Variants in PCDHGB6 observed in about 807,000 individuals in gnomAD.
The protein encoded by PCDHGB6 is protocadherin gamma subfamily B, 6.
In PCDHGB6, 51 loss-of-function variants were observed where a neutral mutation model predicts 59.1. That is an observed-to-expected ratio of 0.86 (90% CI 0.69 to 1.09). PCDHGB6 has a LOEUF of 1.09. PCDHGB6 is among the 50% of genes least tolerant of loss of function. The probability of loss-of-function intolerance (pLI) is 0.00; values close to 1 mark genes in which losing one functional copy is unlikely to be tolerated. For missense variants in PCDHGB6, 1,148 were observed against 1,205.1 expected (o/e 0.95, Z 0.70); for synonymous variants, 466 against 495.1 (o/e 0.94, Z 0.78).
chr5:141,454,657 CG>C (rs1313292109), intron 1 of PCDHGB6, among the ~76,000 whole-genome samples: 1 of 152,074 alleles, frequency 6.6e-6, no homozygotes, highest in Admixed American at 6.6e-5. Flanking sequence ...CTGCCCACCT[CG>C]GCCTCCCAAA....
At chr5:141,445,938 G>A (rs2098482293) in intron 1 of PCDHGB6, among the ~76,000 whole-genome samples, 1 of 152,196 alleles carries the variant, frequency 6.6e-6, no homozygotes, top group Non-Finnish European at 1.5e-5. Flanking sequence ...GAATTATTAA[G>A]CTTACTCTGG....
intron 1 of PCDHGB6, among the ~76,000 whole-genome samples, chr5:141,463,117 A>G (rs2099053039): frequency 6.6e-6 from 1 of 152,196 alleles, no homozygotes; most frequent in African/African-American, 2.4e-5. Context: ...TTCAGCTAAT[A>G]GCTCCCTGGC....
In PCDHGB6 at chr5:141,431,777, G is replaced by C. The variant is rs151011884; in HGVS notation, c.2418+21157G>C. 1.2e-6 allele frequency: 2 copies of C among 1,614,188 alleles called. No individual in the cohort carries two copies. The highest frequency in any genetic ancestry group is 4.5e-5 in the East Asian group (2 of 44,870). ...CAAAGTCCTGATCACTGTTCTGGAC[G>C]TGAACGACAATGCCCCAGAAGTGGT... On this transcript the variant is annotated intron_variant, in intron 1 of 3. Coordinates refer to ENST00000520790, the MANE Select transcript of PCDHGB6 (RefSeq NM_018926.3). The surrounding 1 kb of genome is among the most constrained non-coding windows in gnomAD (Gnocchi z 4.8).
rs2099413641 is a variant in PCDHGB6, at chr5:141,477,586, T to C, written c.2419-17221T>C. The C allele has an allele frequency of 1.9e-6, 3 of 1,614,022 alleles. No individual in the cohort carries two copies. The highest frequency in any genetic ancestry group is 2.5e-6 in the Non-Finnish European group (3 of 1,180,036). On this transcript the variant is annotated intron_variant, in intron 1 of 3. Transcript: ENST00000520790. This position sits in a 1 kb window ranked among gnomAD's most constrained non-coding sequence, Gnocchi z 4.9. ...GGGACCCCGACGCCCCGCAGAATGC[T>C]CGGCTTTCTTTCTTTCTCTTGGAGC... is the stretch of plus-strand genomic sequence containing the variant.
intron 3 of PCDHGB6, among the ~76,000 whole-genome samples, chr5:141,507,772 A>C (rs2099863177): frequency 6.6e-6 from 1 of 152,332 alleles, no homozygotes; most frequent in South Asian, 2.1e-4. Flanking sequence ...TGGCCCACAC[A>C]GGGCCTGACC....
Position 141,487,870 on chromosome 5 carries a change from C to A in PCDHGB6, c.2419-6937C>A. On this transcript the variant is annotated intron_variant, in intron 1 of 3. Transcript: ENST00000520790. This position sits in a 1 kb window ranked among gnomAD's most constrained non-coding sequence, Gnocchi z 5.0. ...AATGAAAGTAATTGGTGATCAAGAGCCAGGCTGTTGTGGAAGCATGATGAT... is the reference window on the plus strand; with the variant it reads ...AATGAAAGTAATTGGTGATCAAGAGACAGGCTGTTGTGGAAGCATGATGAT... 3.5e-6 allele frequency: 3 copies of A among 865,052 alleles called. No individual in the cohort carries two copies. The highest frequency in any genetic ancestry group is 5.3e-6 in the Non-Finnish European group (3 of 568,628). The allele number at this position is 865,052 out of a possible 1,614,324, so 53.6% of individuals were successfully genotyped here.
At chr5:141,417,027 GGT>G (rs1491367168) in intron 1 of PCDHGB6, 2 of 134,514 alleles carry the variant, frequency 1.5e-5, no homozygotes, top group Non-Finnish European at 3.1e-5. Flanking sequence ...GAAAAATACA[GGT>G]TTTTTTTTTA....
At chr5:141,429,613 G>A (rs1374650357) in intron 1 of PCDHGB6, among the ~76,000 whole-genome samples, 2 of 152,084 alleles carry the variant, frequency 1.3e-5, no homozygotes, top group African/African-American at 2.4e-5. Flanking sequence ...TCAATTTTAT[G>A]TCTGATATTT....
chr5:141,490,985 C>T lies in PCDHGB6; in HGVS notation c.2419-3822C>T. On this transcript the variant is annotated intron_variant, in intron 1 of 3. Transcript: ENST00000520790. This position sits in a 1 kb window ranked among gnomAD's most constrained non-coding sequence, Gnocchi z 5.4. ...TCAGCCCCCCAGCGTCTCCCTCGCT[C>T]TGCTCCTCCTGGCTCCTTGGTCACC... The T allele has an allele frequency of 1.9e-6, 3 of 1,614,128 alleles. No individual in the cohort carries two copies. The highest frequency in any genetic ancestry group is 2.5e-6 in the Non-Finnish European group (3 of 1,180,032).
At chr5:141,429,924 A>T (rs2097252885) in intron 1 of PCDHGB6, among the ~76,000 whole-genome samples, 1 of 152,210 alleles carries the variant, frequency 6.6e-6, no homozygotes, top group Admixed American at 6.5e-5. Context: ...GTATTAATAG[A>T]ATTCTGGAGT....
At position 141,432,289 on chromosome 5, in the gene PCDHGB6, C is replaced by A. The variant is rs762278053; in HGVS notation, c.2418+21669C>A. 2 of 1,614,148 alleles carry A rather than the reference C, an allele frequency of 1.2e-6. No individual in the cohort carries two copies. Among genetic ancestry groups the A allele is most frequent in the African/African-American group, 2.7e-5 (2 of 74,952 alleles). On this transcript the variant is annotated intron_variant, in intron 1 of 3. Coordinates refer to ENST00000520790, the MANE Select transcript of PCDHGB6 (RefSeq NM_018926.3). The surrounding 1 kb of genome is among the most constrained non-coding windows in gnomAD (Gnocchi z 6.0). ...CGTCCTACGTGTCCATCAACTCCGA[C>A]ACTGGGGTACTGTATGCGCTGAGCT...
At chr5:141,468,428 T>C (rs936671539) in intron 1 of PCDHGB6, 11 of 151,374 alleles carry the variant, frequency 7.3e-5, no homozygotes, top group Non-Finnish European at 1.3e-4. Context: ...AGCAAGGTAA[T>C]AGCAAAATGT....
chr5:141,431,020 G>A lies in PCDHGB6; in HGVS notation c.2418+20400G>A, dbSNP rs941765907. On this transcript the variant is annotated intron_variant, in intron 1 of 3. Transcript: ENST00000520790. This position sits in a 1 kb window ranked among gnomAD's most constrained non-coding sequence, Gnocchi z 4.8. ...CGCGCAGCGGCAGCTTGGTCACGGC[G>A]GGCAGGATAGACCGGGAGGAGCTCT... The A allele has an allele frequency of 9.9e-6, 16 of 1,614,050 alleles. No homozygotes were observed. Among genetic ancestry groups the A allele is most frequent in the East Asian group, 4.5e-5 (2 of 44,886 alleles).
At position 141,487,570 on chromosome 5, in the gene PCDHGB6, T is replaced by A; in HGVS notation, c.2419-7237T>A. 6.2e-7 allele frequency: 1 copy of A among 1,614,178 alleles called. No homozygotes were observed. On this transcript the variant is annotated intron_variant, in intron 1 of 3. Transcript: ENST00000520790. The surrounding 1 kb of genome is among the most constrained non-coding windows in gnomAD (Gnocchi z 5.0). ...CCAGTGCACCTATGGCAGGGGAGCCTGTTCGCCCAAGCTGCCCACCCTCTG... is the reference window on the plus strand; with the variant it reads ...CCAGTGCACCTATGGCAGGGGAGCCAGTTCGCCCAAGCTGCCCACCCTCTG...
At chr5:141,510,335 AC>A (rs1247622083) in intron 3 of PCDHGB6, among the ~76,000 whole-genome samples, 1 of 149,138 alleles carries the variant, frequency 6.7e-6, no homozygotes, top group African/African-American at 2.5e-5. Context: ...CTTCACCCCC[AC>A]CCCACACACT....
chr5:141,440,578 C>T (rs2098188646), intron 1 of PCDHGB6: 1 of 152,138 alleles, frequency 6.6e-6, no homozygotes, highest in Non-Finnish European at 1.5e-5. Flanking sequence ...CTGAGTTTAC[C>T]CAGCTGGAAC....
At chr5:141,433,866 T>C (rs1191114798) in intron 1 of PCDHGB6, among the ~76,000 whole-genome samples, 1 of 151,870 alleles carries the variant, frequency 6.6e-6, no homozygotes, top group African/African-American at 2.4e-5. Context: ...CTTTATCCTC[T>C]AGTTTCATCC....
chr5:141,486,287 A>G lies in PCDHGB6; in HGVS notation c.2419-8520A>G, dbSNP rs1484787777. Reference sequence around the variant, plus strand: ...AGAACCTGGCACTGTGGTGGCACTTATCAGTGTGCAGGATCCAGACTCAGG... The same window carrying G: ...AGAACCTGGCACTGTGGTGGCACTTGTCAGTGTGCAGGATCCAGACTCAGG... On this transcript the variant is annotated intron_variant, in intron 1 of 3. Transcript: ENST00000520790. The surrounding 1 kb of genome is among the most constrained non-coding windows in gnomAD (Gnocchi z 5.0). 1 of 1,613,912 alleles carries G rather than the reference A, an allele frequency of 6.2e-7. No homozygotes were observed. The highest frequency in any genetic ancestry group is 8.5e-7 in the Non-Finnish European group (1 of 1,179,970).
chr5:141,449,588 CAAAAAAAAAAA>C (rs768743917), intron 1 of PCDHGB6, among the ~76,000 whole-genome samples: 1 of 57,492 alleles, frequency 1.7e-5, no homozygotes, highest in Non-Finnish European at 3.7e-5. Flanking sequence ...GACTCTGTCT[CAAAAAAAAAAA>C]AAAAAAAAGT....
Sources: allele counts gnomAD v4.1 joint callset (sites outside exome capture counted in the v4.1 genomes callset), GRCh38; gene constraint gnomAD v4.1.1; non-coding constraint Gnocchi (gnomAD v3.1); transcripts MANE v1.5; gene names NCBI Gene and HGNC (gene_info 2026-07-23, HGNC 2026-07-21).